Variants in LIPC observed in about 807,000 individuals in gnomAD.
LIPC encodes the protein hepatic triacylglycerol lipase.
Under a neutral mutation model 50.7 loss-of-function variants are expected in LIPC, and 44 were observed. The observed-to-expected ratio is 0.87, with a 90% CI of 0.68 to 1.11. The LOEUF is 1.11. Among genes scored for constraint, LIPC ranks in the 50% most tolerant of loss-of-function variants. The probability of loss-of-function intolerance (pLI) is 0.00; values close to 1 mark genes in which losing one functional copy is unlikely to be tolerated. For synonymous variants in LIPC, 271 were observed against 256.4 expected, an observed-to-expected ratio of 1.06 and a Z score of -0.54; for missense variants, 697 against 648.2, an observed-to-expected ratio of 1.08 and a Z score of -0.82.
chr15:58,559,538 A>G (rs1894077470), intron 6 of LIPC, among the ~76,000 whole-genome samples: 1 of 152,120 alleles, frequency 6.6e-6, no homozygotes, highest in African/African-American at 2.4e-5. Context: ...GTTCTTATCA[A>G]TCAAATGGAA....
intron 1 of LIPC, among the ~76,000 whole-genome samples, chr15:58,449,597 C>G (rs540815564): frequency 6.6e-6 from 1 of 151,854 alleles, no homozygotes; most frequent in African/African-American, 2.4e-5. Context: ...CTGTCAACCA[C>G]GCTGTGCAGT....
intron 1 of LIPC, chr15:58,521,854 GATCATA>G (rs1892664681): frequency 6.6e-6 from 1 of 152,146 alleles, no homozygotes; most frequent in Admixed American, 6.6e-5. Context: ...GGATGACGAT[GATCATA>G]ATCATGATGG....
intron 1 of LIPC, 200 bp downstream of exon 1, chr15:58,432,320 G>A (rs189044254): frequency 9.5e-5 from 59 of 618,152 alleles, no homozygotes; most frequent in Middle Eastern, 3.5e-4. Flanking sequence ...AATCATCCTC[G>A]GATTAAAAGT....
intron 1 of LIPC, among the ~76,000 whole-genome samples, chr15:58,464,637 C>T (rs1323179552): frequency 2.0e-5 from 3 of 152,112 alleles, no homozygotes; most frequent in Non-Finnish European, 4.4e-5. Flanking sequence ...TTCCCGGGCT[C>T]CTTGTTTTTC....
chr15:58,486,797 A>C (rs540322586), intron 1 of LIPC, among the ~76,000 whole-genome samples: 16 of 152,312 alleles, frequency 1.1e-4, no homozygotes, highest in African/African-American at 2.9e-4. Context: ...GTGGGGGATA[A>C]TTTAGTGGAA....
intron 1 of LIPC, among the ~76,000 whole-genome samples, chr15:58,438,339 G>C (rs1296790492): frequency 6.6e-6 from 1 of 152,108 alleles, no homozygotes. Context: ...TGACAGCCAC[G>C]GGCTCCACGT....
chr15:58,542,578 C>T lies in LIPC; in HGVS notation c.501C>T (p.Tyr167=). The part of the protein sequence containing the change: ...LSRSHVHLIG[Y]SLGAHVSGFA... ...GAAGCCATGTTCACCTAATTGGGTA[C>T]AGCCTGGGTGCACACGTGTCAGGAT... The change falls in exon 4 of 9, where the codon TAC becomes TAT. Residue 167 remains tyrosine (Y), a synonymous_variant. Transcript: ENST00000299022. 1 of 1,613,838 alleles carries T rather than the reference C, an allele frequency of 6.2e-7. No homozygotes were observed. The highest frequency in any genetic ancestry group is 1.1e-5 in the South Asian group (1 of 91,084).
intron 1 of LIPC, among the ~76,000 whole-genome samples, chr15:58,477,399 C>T (rs1356471355): frequency 6.6e-6 from 1 of 152,168 alleles, no homozygotes; most frequent in African/African-American, 2.4e-5. Flanking sequence ...CAGTTTGACC[C>T]CAACAGATGA....
chr15:58,529,620 G>A lies in LIPC; in HGVS notation c.89-8713G>A, dbSNP rs116390659. Among the ~76,000 whole-genome samples the A allele has an allele frequency of 7.7e-3, 1,166 of 152,314 alleles. 17 individuals carry two copies. Among genetic ancestry groups the A allele is most frequent in the African/African-American group, 0.027 (1,119 of 41,566 alleles). The stretch of plus-strand genomic sequence containing the variant: ...ATCAGAGGCCTTATTTGGAGGCATC[G>A]GCCTTTATGTGGCATGGAATGTAAG... On this transcript the variant is annotated intron_variant, in intron 1 of 8. Coordinates refer to ENST00000299022, the MANE Select transcript of LIPC (RefSeq NM_000236.3).
intron 5 of LIPC, among the ~76,000 whole-genome samples, chr15:58,546,538 G>A (rs1175115556): frequency 6.6e-6 from 1 of 152,166 alleles, no homozygotes. Flanking sequence ...GGAATGTGCT[G>A]TTATCTGGGT....
chr15:58,566,180 G>T, intron 8 of LIPC: 1 of 985,370 alleles, frequency 1.0e-6, no homozygotes, highest in Non-Finnish European at 1.2e-6. Context: ...TTTGAATAGT[G>T]AGAGTCCAGC....
intron 1 of LIPC, among the ~76,000 whole-genome samples, chr15:58,439,034 T>C (rs1294522558): frequency 6.6e-6 from 1 of 152,212 alleles, no homozygotes; most frequent in African/African-American, 2.4e-5. Context: ...ATTCAGGGCC[T>C]GGTGAAGTCA....
intron 1 of LIPC, among the ~76,000 whole-genome samples, chr15:58,443,893 G>C (rs1276696976): frequency 6.6e-6 from 1 of 152,012 alleles, no homozygotes; most frequent in Non-Finnish European, 1.5e-5. Context: ...AGGGTGGGGA[G>C]AGAATTGCAA....
intron 1 of LIPC, among the ~76,000 whole-genome samples, chr15:58,536,751 C>A (rs928401232): frequency 5.3e-5 from 8 of 152,210 alleles, no homozygotes; most frequent in Admixed American, 5.2e-4. Context: ...TATTCAAATT[C>A]TTGCTCACAC....
intron 1 of LIPC, among the ~76,000 whole-genome samples, chr15:58,471,328 T>TGCGGGGGGGGG (rs1555399294): frequency 3.5e-5 from 4 of 114,168 alleles, no homozygotes; most frequent in African/African-American, 1.4e-4. Context: ...TTAGTAGAGA[T>TGCGGGGGGGGG]GGGGGGGGGT....
At chr15:58,496,058 A>G (rs901239136) in intron 1 of LIPC, among the ~76,000 whole-genome samples, 12 of 152,172 alleles carry the variant, frequency 7.9e-5, no homozygotes, top group African/African-American at 2.7e-4. Context: ...CAGAACCAGG[A>G]CAGAAACCCA....
Position 58,568,763 on chromosome 15 carries a change from C to T in LIPC, c.1436C>T (p.Thr479Ile). ...ACAGATGACCTACTACTTCGCCCAA[C>T]CCAGGAAAAAATCTTCGTGAAATGT... The part of the protein sequence containing the change: ...ENTDDLLLRP[T>I]QEKIFVKCEI... Residue 479 changes from threonine to isoleucine, a missense_variant, in exon 9 of 9, where the codon ACC becomes ATC. Thr to Ile is a moderately conservative substitution (Grantham distance 89). Transcript: ENST00000299022. The T allele has an allele frequency of 6.2e-7, 1 of 1,612,258 alleles. No homozygotes were observed. Among genetic ancestry groups the T allele is most frequent in the East Asian group, 2.2e-5 (1 of 44,792 alleles).
intron 1 of LIPC, among the ~76,000 whole-genome samples, chr15:58,523,691 G>C (rs531524841): frequency 1.2e-4 from 18 of 152,308 alleles, no homozygotes; most frequent in African/African-American, 3.8e-4. Context: ...GCCCGAGGCA[G>C]GAGGATCACT....
At chr15:58,562,808 C>G (rs1187749240) in intron 7 of LIPC, among the ~76,000 whole-genome samples, 1 of 151,452 alleles carries the variant, frequency 6.6e-6, no homozygotes, top group East Asian at 2.0e-4. Context: ...ACAAGGGACC[C>G]CCCCCCAACC....
Sources: gnomAD v4.1 joint callset for allele counts (sites outside exome capture counted in the v4.1 genomes callset) on GRCh38, gnomAD v4.1.1 for gene constraint, MANE v1.5 for transcripts, NCBI Gene and HGNC (gene_info 2026-07-23, HGNC 2026-07-21) for gene names.